Variants in SLC24A2 observed in about 807,000 individuals in gnomAD.
SLC24A2 encodes solute carrier family 24 member 2, also known as sodium/potassium/calcium exchanger 2.
SLC24A2 carries 36 observed loss-of-function variants against 62.0 expected under a neutral mutation model. That is an observed-to-expected ratio of 0.58 (90% CI 0.44 to 0.77). The LOEUF (loss-of-function observed/expected upper bound fraction) is 0.77. SLC24A2 is among the 30% of genes least tolerant of loss of function. The pLI is 0.00. For missense variants in SLC24A2, 846 were observed against 817.9 expected (o/e 1.03, Z -0.42); for synonymous variants, 358 against 294.0 (o/e 1.22, Z -2.23).
At chr9:20,213,833 AC>A in the SLC24A2 span, among the ~76,000 whole-genome samples, 2 of 152,250 alleles carry the variant, frequency 1.3e-5, no homozygotes, top group Non-Finnish European at 2.9e-5. Context: ...TCTGCTTTAT[AC>A]TAGGTGCTTT....
the SLC24A2 span, among the ~76,000 whole-genome samples, chr9:20,253,044 C>G: frequency 6.6e-6 from 1 of 152,196 alleles, no homozygotes; most frequent in African/African-American, 2.4e-5. Flanking sequence ...CTGTTAGAAA[C>G]AAGGCACCCA....
chr9:19,820,749 T>C, the SLC24A2 span, among the ~76,000 whole-genome samples: 1 of 151,878 alleles, frequency 6.6e-6, no homozygotes, highest in Admixed American at 6.6e-5. Context: ...TACAGGGGAT[T>C]ACATTGCTGA....
chr9:19,987,295 C>G, the SLC24A2 span, among the ~76,000 whole-genome samples: 42,909 of 151,916 alleles, frequency 0.28, 6,357 homozygotes, highest in South Asian at 0.4. Flanking sequence ...AAGAGCTATA[C>G]GATACCTTGG....
chr9:20,191,825 G>T, the SLC24A2 span, among the ~76,000 whole-genome samples: 1 of 152,068 alleles, frequency 6.6e-6, no homozygotes, highest in Non-Finnish European at 1.5e-5. Flanking sequence ...AAAAAAGAGT[G>T]AGGTTTCCAG....
chr9:20,103,948 T>C, the SLC24A2 span, among the ~76,000 whole-genome samples: 1 of 152,000 alleles, frequency 6.6e-6, no homozygotes, highest in African/African-American at 2.4e-5. Context: ...TTAAAAACTT[T>C]AAAAAAAATT....
intron 7 of SLC24A2, among the ~76,000 whole-genome samples, chr9:19,563,503 A>G (rs1270864154): frequency 1.3e-5 from 2 of 152,206 alleles, no homozygotes; most frequent in Non-Finnish European, 2.9e-5. Context: ...AGGAAGAAAG[A>G]CATCATATGA....
At chr9:19,519,666 T>G (rs1833097097) in intron 10 of SLC24A2, among the ~76,000 whole-genome samples, 1 of 152,186 alleles carries the variant, frequency 6.6e-6, no homozygotes, top group Admixed American at 6.5e-5. Context: ...ATGCACAGTC[T>G]AGCAGGCAGA....
the SLC24A2 span, among the ~76,000 whole-genome samples, chr9:20,144,558 G>A: frequency 6.6e-6 from 1 of 152,124 alleles, no homozygotes; most frequent in Non-Finnish European, 1.5e-5. Flanking sequence ...GAAAAGCATA[G>A]CAAGATCCAC....
chr9:19,866,248 G>A, the SLC24A2 span, among the ~76,000 whole-genome samples: 1 of 152,220 alleles, frequency 6.6e-6, no homozygotes, highest in Non-Finnish European at 1.5e-5. Context: ...TACACTGTTG[G>A]TGCGAATGTA....
At chr9:20,115,871 A>G in the SLC24A2 span, among the ~76,000 whole-genome samples, 1 of 152,192 alleles carries the variant, frequency 6.6e-6, no homozygotes, top group African/African-American at 2.4e-5. Flanking sequence ...ATTTTAAGCA[A>G]TGATTGCATC....
chr9:19,643,631 T>G (rs1198399387), intron 2 of SLC24A2, among the ~76,000 whole-genome samples: 1 of 152,194 alleles, frequency 6.6e-6, no homozygotes, highest in Non-Finnish European at 1.5e-5. Flanking sequence ...TCCTTTGGAG[T>G]AGGCAGACTT....
the SLC24A2 span, among the ~76,000 whole-genome samples, chr9:20,207,748 T>C: frequency 2.0e-5 from 3 of 152,214 alleles, no homozygotes; most frequent in African/African-American, 4.8e-5. Context: ...TTCACTTTCA[T>C]TGAACACTTA....
At chr9:19,695,679 CAAAAAAAA>C (rs66668393) in intron 2 of SLC24A2, among the ~76,000 whole-genome samples, 3 of 73,542 alleles carry the variant, frequency 4.1e-5, no homozygotes, top group East Asian at 9.3e-4. Context: ...TTGTTAGTAG[CAAAAAAAA>C]AAAAAAAAAA....
chr9:19,788,494 A>T, intron 1 of SLC24A2: 17 of 985,314 alleles, frequency 1.7e-5, no homozygotes, highest in Non-Finnish European at 2.0e-5. Flanking sequence ...TCCCTGGTGG[A>T]TTAATAGGAA....
At chr9:20,248,222 G>A in the SLC24A2 span, among the ~76,000 whole-genome samples, 5 of 152,292 alleles carry the variant, frequency 3.3e-5, no homozygotes, top group South Asian at 2.1e-4. Context: ...CAAGGAACCC[G>A]TATGGGAGCT....
the SLC24A2 span, among the ~76,000 whole-genome samples, chr9:20,096,085 A>ATCCATCCGTCCG: frequency 2.1e-5 from 3 of 140,370 alleles, no homozygotes; most frequent in East Asian, 2.0e-4. Flanking sequence ...CCATCCATCC[A>ATCCATCCGTCCG]TCCGTCCGTC....
the SLC24A2 span, chr9:19,926,954 T>C: frequency 6.6e-6 from 1 of 152,584 alleles, no homozygotes; most frequent in South Asian, 2.1e-4. Flanking sequence ...GGAACGGGGT[T>C]TCCCAGGCCT....
intron 7 of SLC24A2, among the ~76,000 whole-genome samples, chr9:19,556,271 G>T (rs991785917): frequency 2.0e-5 from 3 of 152,116 alleles, no homozygotes; most frequent in African/African-American, 7.2e-5. Context: ...ATAGAAGTTT[G>T]CCCCCAAATA....
At chr9:19,984,624 G>A in the SLC24A2 span, among the ~76,000 whole-genome samples, 1 of 152,048 alleles carries the variant, frequency 6.6e-6, no homozygotes, top group Non-Finnish European at 1.5e-5. Flanking sequence ...GAGAATCTCT[G>A]GAACCCAGGA....
Sources: gnomAD v4.1 joint callset for allele counts (sites outside exome capture counted in the v4.1 genomes callset) on GRCh38, gnomAD v4.1.1 for gene constraint, MANE v1.5 for transcripts, NCBI Gene and HGNC (gene_info 2026-07-23, HGNC 2026-07-21) for gene names.